Variants in RBFOX1 observed in about 807,000 individuals in gnomAD.
RBFOX1 encodes the protein RNA binding fox-1 homolog 1.
In RBFOX1, 8 loss-of-function variants were observed where a neutral mutation model predicts 57.7. The observed-to-expected ratio is 0.14, with a 90% CI of 0.08 to 0.25. RBFOX1 has a LOEUF of 0.25. RBFOX1 is among the 10% of genes least tolerant of loss of function. RBFOX1 has a pLI of 1.00. For missense variants in RBFOX1, 611 were observed against 548.5 expected, an observed-to-expected ratio of 1.11 and a Z score of -1.14; for synonymous variants, 326 against 222.4, an observed-to-expected ratio of 1.47 and a Z score of -4.15.
chr16:5,280,197 T>C (rs962818493), intron 1 of RBFOX1, among the ~76,000 whole-genome samples: 6 of 152,268 alleles, frequency 3.9e-5, no homozygotes, highest in African/African-American at 1.4e-4. Flanking sequence ...GATGATCAGA[T>C]AGTTTTTGCC....
intron 4 of RBFOX1, among the ~76,000 whole-genome samples, chr16:5,951,718 G>A (rs2059523894): frequency 6.6e-6 from 1 of 152,036 alleles, no homozygotes; most frequent in Non-Finnish European, 1.5e-5. Context: ...CCACTTCCTT[G>A]TATTTCCATC....
intron 1 of RBFOX1, among the ~76,000 whole-genome samples, chr16:6,221,625 A>C (rs932083276): frequency 4.6e-5 from 7 of 152,222 alleles, no homozygotes; most frequent in African/African-American, 1.2e-4. Context: ...CATACCTGAC[A>C]ATGGGTAATT....
chr16:7,439,157 C>A (rs755617998), intron 4 of RBFOX1, among the ~76,000 whole-genome samples: 1 of 152,120 alleles, frequency 6.6e-6, no homozygotes, highest in Non-Finnish European at 1.5e-5. Flanking sequence ...GTCTTCTTTA[C>A]GCAGGCCTTC....
At chr16:6,598,782 C>A (rs959085612) in intron 2 of RBFOX1, among the ~76,000 whole-genome samples, 1 of 152,034 alleles carries the variant, frequency 6.6e-6, no homozygotes, top group Non-Finnish European at 1.5e-5. Context: ...CCTGTCTCTA[C>A]TAAAAATACA....
chr16:5,449,320 C>T (rs537770033), intron 1 of RBFOX1, among the ~76,000 whole-genome samples: 13 of 152,320 alleles, frequency 8.5e-5, no homozygotes, highest in African/African-American at 2.2e-4. Flanking sequence ...GAGAAGTCTC[C>T]GCCACGGCTG....
chr16:5,339,853 G>C (rs1161661166), intron 1 of RBFOX1, among the ~76,000 whole-genome samples: 2 of 152,046 alleles, frequency 1.3e-5, no homozygotes, highest in Non-Finnish European at 2.9e-5. Flanking sequence ...TCCCAGCCCG[G>C]GGACTGAGCA....
rs139576617 is a variant in RBFOX1, at chr16:7,082,569, A to T, written c.27+30471A>T. Among the ~76,000 whole-genome samples, 746 of 151,140 alleles carry T rather than the reference A, an allele frequency of 4.9e-3. 6 individuals carry two copies. The highest frequency in any genetic ancestry group is 0.031 in the East Asian group (160 of 5,166). ...AGAGTGAGACCATGTCTCAAAAAAA[A>T]AAAAATAAAAATTAAAAAAAGAAGG... On this transcript the variant is annotated intron_variant, in intron 4 of 15. Coordinates refer to ENST00000550418, the MANE Select transcript of RBFOX1 (RefSeq NM_018723.4).
At chr16:6,600,063 T>C (rs886268076) in intron 2 of RBFOX1, among the ~76,000 whole-genome samples, 1 of 152,186 alleles carries the variant, frequency 6.6e-6, no homozygotes, top group East Asian at 1.9e-4. Flanking sequence ...CTGGAACATG[T>C]AGAGGAAGAG....
chr16:5,668,149 C>T (rs2049905666), intron 3 of RBFOX1, among the ~76,000 whole-genome samples: 1 of 152,098 alleles, frequency 6.6e-6, no homozygotes. Context: ...GGCATGGTGG[C>T]ATGTGCCCAT....
intron 2 of RBFOX1, among the ~76,000 whole-genome samples, chr16:5,528,463 G>A (rs1025228063): frequency 2.6e-5 from 4 of 151,950 alleles, no homozygotes; most frequent in African/African-American, 9.7e-5. Context: ...GTTGTTGCCT[G>A]TGTGGCCCTT....
In RBFOX1 at chr16:6,299,805, C is replaced by T. The variant is rs2078592137; in HGVS notation, c.-126-17190C>T. On this transcript the variant is annotated intron_variant, in intron 1 of 15. Coordinates refer to ENST00000550418, the MANE Select transcript of RBFOX1 (RefSeq NM_018723.4). ...ACTAAGGGATCTTTGGGAAACAAGT[C>T]TGTCGGGGTTCAGTTTCCTCAATGG... 1.3e-5 allele frequency among the ~76,000 whole-genome samples: 2 copies of T among 152,162 alleles called. 1 individual carries two copies. Among genetic ancestry groups the T allele is most frequent in the African/African-American group, 4.8e-5 (2 of 41,430 alleles).
intron 4 of RBFOX1, among the ~76,000 whole-genome samples, chr16:7,339,065 G>C (rs1294248644): frequency 6.6e-6 from 1 of 152,194 alleles, no homozygotes; most frequent in African/African-American, 2.4e-5. Flanking sequence ...CAGGGAGGTG[G>C]CAGAGAGAAT....
intron 3 of RBFOX1, among the ~76,000 whole-genome samples, chr16:6,686,476 C>T (rs2059452409): frequency 1.3e-5 from 2 of 152,196 alleles, no homozygotes; most frequent in Admixed American, 6.5e-5. Flanking sequence ...AATTTAAGCA[C>T]TACGTGGTTG....
chr16:7,114,151 C>G (rs1173025066), intron 4 of RBFOX1, among the ~76,000 whole-genome samples: 1 of 152,120 alleles, frequency 6.6e-6, no homozygotes, highest in Non-Finnish European at 1.5e-5. Flanking sequence ...TTCAGTTGTA[C>G]TTAAGAGATC....
At chr16:5,303,287 G>A (rs1260551487) in intron 1 of RBFOX1, among the ~76,000 whole-genome samples, 2 of 152,096 alleles carry the variant, frequency 1.3e-5, no homozygotes, top group African/African-American at 4.8e-5. Context: ...ATTCTCCCTG[G>A]GATTTTCTGT....
At chr16:7,213,669 C>T (rs1255361316) in intron 4 of RBFOX1, among the ~76,000 whole-genome samples, 2 of 152,078 alleles carry the variant, frequency 1.3e-5, no homozygotes, top group Non-Finnish European at 2.9e-5. Flanking sequence ...ATTTAATAAT[C>T]CTAACAGCCC....
At chr16:6,263,869 GT>G (rs1185041496) in intron 1 of RBFOX1, among the ~76,000 whole-genome samples, 1 of 152,146 alleles carries the variant, frequency 6.6e-6, no homozygotes, top group Non-Finnish European at 1.5e-5. Flanking sequence ...GGAACCAAAA[GT>G]GTTGGTAGCA....
intron 1 of RBFOX1, among the ~76,000 whole-genome samples, chr16:6,289,227 C>T (rs921133720): frequency 5.3e-5 from 8 of 152,136 alleles, no homozygotes; most frequent in Middle Eastern, 3.4e-3. Flanking sequence ...CAGAGGTATT[C>T]GTTCCTTGAC....
intron 3 of RBFOX1, among the ~76,000 whole-genome samples, chr16:5,692,820 G>A (rs543767239): frequency 6.6e-5 from 10 of 152,234 alleles, no homozygotes; most frequent in Admixed American, 2.6e-4. Context: ...GTGCTCATCT[G>A]CAAGCCGAGT....
Sources: allele counts gnomAD v4.1 joint callset (sites outside exome capture counted in the v4.1 genomes callset), GRCh38; gene constraint gnomAD v4.1.1; transcripts MANE v1.5; gene names NCBI Gene and HGNC (gene_info 2026-07-23, HGNC 2026-07-21).